The following EVI5L variants were observed in gnomAD, a reference collection of about 807,000 sequenced individuals.
The protein encoded by EVI5L is EVI5-like protein.
A neutral mutation model predicts 106.1 loss-of-function variants in EVI5L; 30 were observed. That is an observed-to-expected ratio of 0.28 (90% confidence interval 0.21 to 0.38). The LOEUF (loss-of-function observed/expected upper bound fraction) is 0.38. Among genes scored for constraint, EVI5L ranks in the 10% least tolerant of loss-of-function variants. EVI5L has a pLI of 1.00. For missense variants in EVI5L, 809 were observed against 1,098.0 expected (o/e 0.74, Z 3.72); for synonymous variants, 489 against 483.3 (o/e 1.01, Z -0.15).
chr19:7,857,384 C>T lies in EVI5L; in HGVS notation c.1233+260C>T. 5.0e-6 allele frequency: 3 copies of T among 598,852 alleles called. No individual in the cohort carries two copies. Among genetic ancestry groups the T allele is most frequent in the Non-Finnish European group, 8.9e-6 (3 of 336,322 alleles). 37.1% of individuals were successfully genotyped at this position (598,852 alleles called of 1,614,324 possible). On this transcript the variant is annotated intron_variant, in intron 12 of 19. Transcript: ENST00000538904. The surrounding 1 kb of genome is among the most constrained non-coding windows in gnomAD (Gnocchi z 4.5). ...TCCACATGCATGTACAGAAAGCTTC[C>T]TCCGGGCGACACAGGGTGGGGACCC...
intron 1 of EVI5L, among the ~76,000 whole-genome samples, chr19:7,838,794 C>T (rs73500060): frequency 0.087 from 13,219 of 151,784 alleles, 654 homozygotes; most frequent in Middle Eastern, 0.12. Context: ...GGGGGAAAAG[C>T]GAGCCAGGAT....
chr19:7,858,291 A>G lies in EVI5L; in HGVS notation c.1334A>G (p.Gln445Arg). The G allele has an allele frequency of 6.5e-7, 1 of 1,550,258 alleles. No individual in the cohort carries two copies. The highest frequency in any genetic ancestry group is 8.7e-7 in the Non-Finnish European group (1 of 1,147,458). The change falls in exon 13 of 20, where the codon CAG (glutamine) becomes CGG (arginine). Residue 445 changes from glutamine to arginine, a missense_variant. Transcript: ENST00000538904. The surrounding 1 kb of genome is among the most constrained non-coding windows in gnomAD (Gnocchi z 5.7). ...QQCSSAAEDL[Q>R]KAQSTIRQLQ... The stretch of plus-strand genomic sequence containing the variant: ...TGCAGCTCGGCGGCCGAGGACCTGC[A>G]GAAGGCACAGAGCACCATCCGGCAG...
Position 7,848,696 on chromosome 19 carries a change from G to C in EVI5L, c.328-225G>C, listed in dbSNP as rs1209236177. Reference sequence around the variant, plus strand: ...AGGCAGGAGGATCGCTTGAGCCCAGGAGTTCAAGGCTGCAGGGAGCTATGA... The same window carrying C: ...AGGCAGGAGGATCGCTTGAGCCCAGCAGTTCAAGGCTGCAGGGAGCTATGA... On this transcript the variant is annotated intron_variant, in intron 3 of 19. Transcript: ENST00000538904. The surrounding 1 kb of genome is among the most constrained non-coding windows in gnomAD (Gnocchi z 4.8). Among the ~76,000 whole-genome samples the C allele has an allele frequency of 6.6e-6, 1 of 152,198 alleles. No individual in the cohort carries two copies. The highest frequency in any genetic ancestry group is 1.5e-5 in the Non-Finnish European group (1 of 68,024).
chr19:7,832,977 A>C (rs1332277137), intron 1 of EVI5L, among the ~76,000 whole-genome samples: 1 of 152,124 alleles, frequency 6.6e-6, no homozygotes. Flanking sequence ...GGTATCTCTC[A>C]CGCACAGGAA....
At chr19:7,837,026 CT>C (rs1247757525) in intron 1 of EVI5L, among the ~76,000 whole-genome samples, 3 of 151,416 alleles carry the variant, frequency 2.0e-5, no homozygotes, top group East Asian at 1.9e-4. Context: ...AGTGAGACCC[CT>C]GTCTCAAAAA....
rs985141712 is a variant in EVI5L at position 7,856,342 on chromosome 19, G to A, written c.1200+274G>A. The stretch of plus-strand genomic sequence containing the variant: ...TCCATTTGTGTTCTGTGCCCTCCCC[G>A]GCTGCACAGACGGGGAGGGGTGAGG... On this transcript the variant is annotated intron_variant, in intron 11 of 19. Coordinates refer to ENST00000538904, the MANE Select transcript of EVI5L (RefSeq NM_001159944.3). The surrounding 1 kb of genome is among the most constrained non-coding windows in gnomAD (Gnocchi z 6.6). 1.2e-4 allele frequency among the ~76,000 whole-genome samples: 18 copies of A among 152,064 alleles called. No homozygotes were observed. Among genetic ancestry groups the A allele is most frequent in the African/African-American group, 4.3e-4 (18 of 41,398 alleles).
intron 6 of EVI5L, among the ~76,000 whole-genome samples, chr19:7,851,205 C>T (rs1464798272): frequency 6.6e-5 from 10 of 152,144 alleles, no homozygotes; most frequent in African/African-American, 2.4e-4. Context: ...CCAACACAGG[C>T]GGCTACAGAT....
chr19:7,842,833 G>A (rs112365422), intron 1 of EVI5L, among the ~76,000 whole-genome samples: 24,371 of 151,234 alleles, frequency 0.16, 2,571 homozygotes, highest in Middle Eastern at 0.23. Flanking sequence ...GTGTGTGAAG[G>A]TATATAGGTG....
rs1449285412 is a variant in EVI5L, at chr19:7,850,416, A to ACACAGC, written c.753+304_753+309dup. ...GAGGGGTGGGGCAGGCTCACATCGG[A>ACACAGC]CACAGCCACAGCCACCTCCCTGTCT... On this transcript the variant is annotated intron_variant, in intron 6 of 19. Transcript: ENST00000538904. The surrounding 1 kb of genome is among the most constrained non-coding windows in gnomAD (Gnocchi z 5.4). Among the ~76,000 whole-genome samples, 23 of 152,108 alleles carry ACACAGC rather than the reference A, an allele frequency of 1.5e-4. No individual in the cohort carries two copies. Among genetic ancestry groups the ACACAGC allele is most frequent in the African/African-American group, 5.6e-4 (23 of 41,420 alleles).
chr19:7,858,347 C>G lies in EVI5L; in HGVS notation c.1374+16C>G. 1 of 1,539,106 alleles carries G rather than the reference C, an allele frequency of 6.5e-7. No homozygotes were observed. Among genetic ancestry groups the G allele is most frequent in the Non-Finnish European group, 8.7e-7 (1 of 1,144,792 alleles). ...GGAGCAGCAGGTAGGGGCGGGTGTG[C>G]GGGGCTGCTGGGCGGGGCCATGACC... is the stretch of plus-strand genomic sequence containing the variant. On this transcript the variant is annotated intron_variant, in intron 13 of 19. Coordinates refer to ENST00000538904, the MANE Select transcript of EVI5L (RefSeq NM_001159944.3). This position sits in a 1 kb window ranked among gnomAD's most constrained non-coding sequence, Gnocchi z 5.7.
At chr19:7,854,791 GC>G (rs1227730966) in intron 10 of EVI5L, among the ~76,000 whole-genome samples, 2 of 152,152 alleles carry the variant, frequency 1.3e-5, no homozygotes, top group Non-Finnish European at 2.9e-5. Flanking sequence ...AGGGACTAGG[GC>G]AATGCCCTGC....
chr19:7,861,613 T>A (rs1979801368), intron 14 of EVI5L, among the ~76,000 whole-genome samples: 1 of 152,170 alleles, frequency 6.6e-6, no homozygotes, highest in Non-Finnish European at 1.5e-5. Context: ...GGAGTCAGTG[T>A]GTGCAGCGCG....
chr19:7,838,080 T>TG (rs937436729), intron 1 of EVI5L, among the ~76,000 whole-genome samples: 11 of 150,038 alleles, frequency 7.3e-5, no homozygotes, highest in African/African-American at 1.2e-4. Context: ...GGTGTGTTTA[T>TG]TTTTTTTTTG....
chr19:7,851,025 G>A (rs1233751385), intron 6 of EVI5L, among the ~76,000 whole-genome samples: 1 of 152,210 alleles, frequency 6.6e-6, no homozygotes, highest in South Asian at 2.1e-4. Context: ...ACAAGGTGGG[G>A]GGGGGGCTCC....
intron 13 of EVI5L, 22 bp from the exon 14 acceptor site, chr19:7,860,538 AC>A: frequency 1.9e-6 from 3 of 1,558,510 alleles, no homozygotes; most frequent in Non-Finnish European, 2.6e-6. Context: ...CTGGGGCCCC[AC>A]GCAGCTCTCT....
intron 1 of EVI5L, among the ~76,000 whole-genome samples, chr19:7,843,579 T>C (rs1195639348): frequency 1.6e-5 from 2 of 122,192 alleles, no homozygotes; most frequent in African/African-American, 6.1e-5. Context: ...AGTGTGAGAA[T>C]AGGCATGGGT....
chr19:7,842,938 TG>T (rs1280661363), intron 1 of EVI5L, among the ~76,000 whole-genome samples: 1 of 148,576 alleles, frequency 6.7e-6, no homozygotes, highest in Non-Finnish European at 1.5e-5. Context: ...CGGGTGTGCG[TG>T]TATCCGAATG....
At chr19:7,862,606 C>T (rs1324519519) in intron 17 of EVI5L, 72 bp downstream of exon 17, 7 of 1,277,466 alleles carry the variant, frequency 5.5e-6, no homozygotes, top group Middle Eastern at 2.9e-4. Context: ...GGCCCCGCCC[C>T]CAATCCGCCT....
Position 7,856,072 on chromosome 19 carries a change from AGG to A in EVI5L, c.1200+7_1200+8del. The A allele has an allele frequency of 7.6e-7, 1 of 1,324,416 alleles. No individual in the cohort carries two copies. The allele number at this position is 1,324,416 out of a possible 1,614,324, so 82.0% of individuals were successfully genotyped here. A position where few individuals can be genotyped will look rare whatever the true frequency, so the allele number is the denominator to read the frequency against. On this transcript the variant is annotated splice_donor_5th_base_variant and intron_variant, in intron 11 of 19. Transcript: ENST00000538904. This position sits in a 1 kb window ranked among gnomAD's most constrained non-coding sequence, Gnocchi z 6.6. ...GCGGATTGAAACCCTAGAGAAGGTG[AGG>A]GGCGTGGCCACTGTGAGGACATGGT... is the stretch of plus-strand genomic sequence containing the variant.
Sources: gnomAD v4.1 joint callset for allele counts (sites outside exome capture counted in the v4.1 genomes callset) on GRCh38, gnomAD v4.1.1 for gene constraint, Gnocchi (gnomAD v3.1) non-coding constraint, MANE v1.5 for transcripts, NCBI Gene and HGNC (gene_info 2026-07-23, HGNC 2026-07-21) for gene names.